ATP8A1: variants seen among roughly 807,000 people sequenced by gnomAD.
The protein encoded by ATP8A1 is ATPase phospholipid transporting 8A1, also known as phospholipid-transporting ATPase IA.
Under a neutral mutation model 177.7 loss-of-function variants are expected in ATP8A1, and 90 were observed. The observed-to-expected ratio is 0.51, with a 90% CI of 0.43 to 0.60. ATP8A1 has a LOEUF of 0.60. Ranked by LOEUF, ATP8A1 falls within the 20% of genes least tolerant of loss-of-function variation. ATP8A1 has a pLI of 0.00. For missense variants in ATP8A1, 1,072 were observed against 1,392.8 expected (o/e 0.77, Z 3.67); for synonymous variants, 493 against 485.9 (o/e 1.01, Z -0.19).
At chr4:42,559,397 T>C (rs1395925300) in intron 15 of ATP8A1, among the ~76,000 whole-genome samples, 1 of 152,236 alleles carries the variant, frequency 6.6e-6, no homozygotes, top group Non-Finnish European at 1.5e-5. Flanking sequence ...AATGGCTTTA[T>C]ATATACATTC....
intron 15 of ATP8A1, among the ~76,000 whole-genome samples, chr4:42,560,757 G>C (rs1730734342): frequency 6.6e-6 from 1 of 151,994 alleles, no homozygotes; most frequent in African/African-American, 2.4e-5. Context: ...TTATTTAGGA[G>C]CTGGTAGCCT....
chr4:42,422,902 G>T lies in ATP8A1; in HGVS notation c.3213-3C>A. ...TTTTAAAAGCAGTCCTCTTGATACT[G>T]CAAAAAGAAAAAAAAAGGGATTTGC... On this transcript the variant is annotated splice_region_variant and splice_polypyrimidine_tract_variant and intron_variant, in intron 34 of 36. Coordinates refer to ENST00000381668, the MANE Select transcript of ATP8A1 (RefSeq NM_006095.2). 6.3e-7 allele frequency: 1 copy of T among 1,589,288 alleles called. No homozygotes were observed.
chr4:42,512,534 T>C (rs1262984408), intron 22 of ATP8A1, among the ~76,000 whole-genome samples: 1 of 152,238 alleles, frequency 6.6e-6, no homozygotes, highest in African/African-American at 2.4e-5. Flanking sequence ...CCTTCCTGCA[T>C]GAAATTTATA....
At chr4:42,539,310 G>A (rs769464329) in intron 20 of ATP8A1, among the ~76,000 whole-genome samples, 1 of 151,642 alleles carries the variant, frequency 6.6e-6, no homozygotes, top group Non-Finnish European at 1.5e-5. Context: ...TGGGTATCGC[G>A]TACACTGCTT....
rs532745358 is a variant in ATP8A1, at chr4:42,479,972, G to A, written c.2324+5524C>T. On this transcript the variant is annotated intron_variant, in intron 25 of 36. Coordinates refer to ENST00000381668, the MANE Select transcript of ATP8A1 (RefSeq NM_006095.2). ...CCATTACGTGTTACCTACCTCATTA[G>A]AATTATGTAATCTGCAGTTCTGCTT... Among the ~76,000 whole-genome samples, 3 of 144,044 alleles carry A rather than the reference G, an allele frequency of 2.1e-5. No individual in the cohort carries two copies. The Admixed American group carries it at 2.1e-4, about 10-fold the overall frequency. 94.5% of individuals were successfully genotyped at this position (144,044 alleles called of 152,430 possible).
intron 9 of ATP8A1, among the ~76,000 whole-genome samples, chr4:42,583,107 T>C (rs1733263926): frequency 6.6e-6 from 1 of 152,220 alleles, no homozygotes; most frequent in African/African-American, 2.4e-5. Context: ...TCATTTCTGG[T>C]GAGCTGCTCT....
intron 5 of ATP8A1, among the ~76,000 whole-genome samples, chr4:42,606,579 G>A (rs573804562): frequency 2.0e-5 from 3 of 152,284 alleles, no homozygotes; most frequent in Admixed American, 6.5e-5. Context: ...CAGCTAGTCC[G>A]TCTCATCCTT....
chr4:42,655,321 A>T (rs977469563), intron 1 of ATP8A1, among the ~76,000 whole-genome samples: 1 of 152,216 alleles, frequency 6.6e-6, no homozygotes, highest in African/African-American at 2.4e-5. Flanking sequence ...GAAAATACAC[A>T]AGCCAATCAA....
At chr4:42,421,319 A>G (rs1181488250) in intron 35 of ATP8A1, among the ~76,000 whole-genome samples, 1 of 152,094 alleles carries the variant, frequency 6.6e-6, no homozygotes, top group Non-Finnish European at 1.5e-5. Context: ...TGTTTTTTGC[A>G]GCTCTATTAT....
At chr4:42,548,924 A>C (rs1729199528) in intron 19 of ATP8A1, 89 bp downstream of exon 19, 1 of 1,066,956 alleles carries the variant, frequency 9.4e-7, no homozygotes, top group South Asian at 1.6e-5. Context: ...AATAAAAACA[A>C]AACATACTTT....
At chr4:42,457,494 A>G (rs1297543372) in intron 27 of ATP8A1, among the ~76,000 whole-genome samples, 2 of 152,334 alleles carry the variant, frequency 1.3e-5, no homozygotes, top group East Asian at 3.9e-4. Context: ...GGCCTCTCTA[A>G]TCTATGAAGA....
At chr4:42,502,384 C>T (rs894084014) in intron 24 of ATP8A1, among the ~76,000 whole-genome samples, 4 of 152,190 alleles carry the variant, frequency 2.6e-5, no homozygotes, top group African/African-American at 9.7e-5. Flanking sequence ...TATTTCACTT[C>T]TCTTTCTTGA....
rs1577900877 is a variant in ATP8A1, at chr4:42,422,823, C to G, written c.3289G>C (p.Val1097Leu). 1 of 1,612,622 alleles carries G rather than the reference C, an allele frequency of 6.2e-7. No homozygotes were observed. Among genetic ancestry groups the G allele is most frequent in the Non-Finnish European group, 8.5e-7 (1 of 1,179,500 alleles). The change falls in exon 35 of 37, where the codon GTT becomes CTT. Residue 1097 changes from valine (V) to leucine (L), a missense_variant. This residue lies in a region of ATP8A1 where 316 missense variants were observed against 459.1 expected (regional missense o/e 0.69). Transcript: ENST00000381668. ...LEAKSQDPGA[V>L]VLGKSLTERA... ...GTATTTTACCTTTTTCCAAGTACAACTGCTCCTGGGTCTTGAGATTTTGCC... is the reference window on the plus strand; with the variant it reads ...GTATTTTACCTTTTTCCAAGTACAAGTGCTCCTGGGTCTTGAGATTTTGCC...
Position 42,600,622 on chromosome 4 carries a change from A to C in ATP8A1, c.410-104T>G, listed in dbSNP as rs571009454. On this transcript the variant is annotated intron_variant, in intron 5 of 36. Coordinates refer to ENST00000381668, the MANE Select transcript of ATP8A1 (RefSeq NM_006095.2). ...ACGAATAGCTTCAGTCAAAATAACTAGTAGCAATTTTTATAGGTTAAAATT... is the reference window on the plus strand; with the variant it reads ...ACGAATAGCTTCAGTCAAAATAACTCGTAGCAATTTTTATAGGTTAAAATT... The C allele has an allele frequency of 9.3e-5, 96 of 1,029,168 alleles. No individual in the cohort carries two copies. The African/African-American group carries it at 1.5e-3, about 16-fold the overall frequency. 63.8% of individuals were successfully genotyped at this position (1,029,168 alleles called of 1,614,324 possible). A position where few individuals can be genotyped will look rare whatever the true frequency, so the allele number is the denominator to read the frequency against.
In ATP8A1 at chr4:42,412,610, T is replaced by C. The variant is rs773658839; in HGVS notation, c.*306A>G. ...ACAGTCAGTTACAGCCCCACAGTAA[T>C]GGCATAAGAATACTGACTTATTCTC... On this transcript the variant is annotated 3_prime_UTR_variant, in exon 37 of 37. Coordinates refer to ENST00000381668, the MANE Select transcript of ATP8A1 (RefSeq NM_006095.2). 1.5e-4 allele frequency: 33 copies of C among 217,834 alleles called. No individual in the cohort carries two copies. The highest frequency in any genetic ancestry group is 5.7e-4 in the South Asian group (5 of 8,772). 13.5% of individuals were successfully genotyped at this position (217,834 alleles called of 1,614,324 possible). A position where few individuals can be genotyped will look rare whatever the true frequency, so the allele number is the denominator to read the frequency against.
At chr4:42,655,068 A>G (rs1376642242) in intron 1 of ATP8A1, among the ~76,000 whole-genome samples, 2 of 152,232 alleles carry the variant, frequency 1.3e-5, no homozygotes, top group African/African-American at 2.4e-5. Context: ...TTCACTCACC[A>G]AGCACCACTA....
intron 15 of ATP8A1, among the ~76,000 whole-genome samples, chr4:42,568,338 C>T (rs531595731): frequency 8.5e-5 from 13 of 152,194 alleles, no homozygotes; most frequent in South Asian, 2.1e-4. Flanking sequence ...AATGTGGCTT[C>T]GTCACCAAAT....
intron 16 of ATP8A1, 47 bp downstream of exon 16, chr4:42,555,921 T>C: frequency 8.0e-7 from 1 of 1,257,620 alleles, no homozygotes; most frequent in Non-Finnish European, 1.1e-6. Flanking sequence ...GAAACATTCA[T>C]TAGTTTTTAT....
chr4:42,603,221 C>G (rs1362620999), intron 5 of ATP8A1, among the ~76,000 whole-genome samples: 2 of 152,154 alleles, frequency 1.3e-5, no homozygotes, highest in Non-Finnish European at 2.9e-5. Flanking sequence ...GACAAGCTAT[C>G]TTTCTGTACT....
Sources: gnomAD v4.1 joint callset for allele counts (sites outside exome capture counted in the v4.1 genomes callset) on GRCh38, gnomAD v4.1.1 for gene constraint, gnomAD v4.1.1 regional missense constraint, MANE v1.5 for transcripts, NCBI Gene and HGNC (gene_info 2026-07-23, HGNC 2026-07-21) for gene names.